KIAA2012: variants seen among roughly 807,000 people sequenced by gnomAD.
KIAA2012 encodes uncharacterized protein KIAA2012.
A neutral mutation model predicts 150.6 loss-of-function variants in KIAA2012; 125 were observed. The ratio of observed to expected loss-of-function variants is 0.83; its 90% CI spans 0.72 to 0.96. KIAA2012 has a LOEUF of 0.96. Among genes scored for constraint, KIAA2012 ranks in the 40% least tolerant of loss-of-function variants. The probability of loss-of-function intolerance (pLI) is 0.00; values close to 1 mark genes in which losing one functional copy is unlikely to be tolerated. For missense variants in KIAA2012, 1,219 were observed against 1,354.9 expected (o/e 0.90, Z 1.57); for synonymous variants, 462 against 504.7 (o/e 0.92, Z 1.13).
chr2:202,113,694 G>A, intron 11 of KIAA2012: 1 of 476,930 alleles, frequency 2.1e-6, no homozygotes, highest in Non-Finnish European at 3.8e-6. Flanking sequence ...GCTTGGAAGA[G>A]GTCTAATGTG....
intron 6 of KIAA2012, 140 bp from the exon 7 acceptor site, chr2:202,100,167 C>A: frequency 1.1e-6 from 1 of 902,646 alleles, no homozygotes; most frequent in Non-Finnish European, 1.6e-6. Flanking sequence ...CCTGCCTCCC[C>A]CAAAGCTAGG....
chr2:202,190,622 G>A, intron 19 of KIAA2012, 129 bp downstream of exon 19: 2 of 711,582 alleles, frequency 2.8e-6, no homozygotes, highest in Non-Finnish European at 4.6e-6. Context: ...TGGTCTTATT[G>A]TTCTACTTTG....
At chr2:202,168,573 C>A (rs751045904) in intron 15 of KIAA2012, among the ~76,000 whole-genome samples, 1 of 152,070 alleles carries the variant, frequency 6.6e-6, no homozygotes, top group Non-Finnish European at 1.5e-5. Context: ...ATAATGATTT[C>A]TTTACTTTCC....
At chr2:202,077,075 C>CAACAGA (rs1322470166) in intron 2 of KIAA2012, 1 of 456,992 alleles carries the variant, frequency 2.2e-6, no homozygotes, top group Admixed American at 2.3e-5. Context: ...ACAGACAGGC[C>CAACAGA]CACTATGACC....
At chr2:202,110,397 AG>A (rs1690315377) in intron 10 of KIAA2012, among the ~76,000 whole-genome samples, 1 of 152,228 alleles carries the variant, frequency 6.6e-6, no homozygotes, top group South Asian at 2.1e-4. Flanking sequence ...TTCCATCTAA[AG>A]GTAGCTCATA....
intron 13 of KIAA2012, among the ~76,000 whole-genome samples, chr2:202,146,003 G>A (rs1691287464): frequency 6.6e-6 from 1 of 151,980 alleles, no homozygotes; most frequent in South Asian, 2.1e-4. Flanking sequence ...TTTTTAAATG[G>A]TAAAAACAGC....
chr2:202,081,468 A>G (rs1689449350), intron 2 of KIAA2012, among the ~76,000 whole-genome samples: 1 of 151,628 alleles, frequency 6.6e-6, no homozygotes, highest in South Asian at 2.1e-4. Context: ...CTACATTCCC[A>G]CCAGCAGCGC....
intron 9 of KIAA2012, among the ~76,000 whole-genome samples, chr2:202,107,988 G>A (rs548981037): frequency 9.2e-5 from 14 of 152,102 alleles, no homozygotes; most frequent in African/African-American, 1.9e-4. Context: ...CAGCCTGGGC[G>A]ACAGAGAGAG....
chr2:202,146,654 C>T (rs1376183339), intron 13 of KIAA2012, among the ~76,000 whole-genome samples: 2 of 135,672 alleles, frequency 1.5e-5, no homozygotes, highest in African/African-American at 2.8e-5. Context: ...AAAAAAAAAG[C>T]CAGGTGTGTT....
At chr2:202,171,865 T>TC (rs1319919111) in intron 15 of KIAA2012, among the ~76,000 whole-genome samples, 1 of 150,196 alleles carries the variant, frequency 6.7e-6, no homozygotes, top group African/African-American at 2.4e-5. Context: ...TTTTTTTTTT[T>TC]TGGAGACAGA....
chr2:202,077,080 A>G (rs774996279), intron 2 of KIAA2012: 6 of 456,910 alleles, frequency 1.3e-5, no homozygotes, highest in South Asian at 9.3e-5. Context: ...CAGGCCCACT[A>G]TGACCCCCAG....
intron 10 of KIAA2012, among the ~76,000 whole-genome samples, chr2:202,110,473 A>ACTGT (rs1575016956): frequency 6.6e-6 from 1 of 152,216 alleles, no homozygotes; most frequent in East Asian, 1.9e-4. Context: ...CACGCTGGAG[A>ACTGT]CTGACAGACC....
In KIAA2012 at chr2:202,109,326, C is replaced by A. The variant is rs543858283; in HGVS notation, c.1475-287C>A. Among the ~76,000 whole-genome samples, 76 of 152,278 alleles carry A rather than the reference C, an allele frequency of 5.0e-4. 1 individual carries two copies. The highest frequency in any genetic ancestry group is 1.7e-3 in the African/African-American group (70 of 41,558). On this transcript the variant is annotated intron_variant, in intron 9 of 23. Coordinates refer to ENST00000498697, the MANE Select transcript of KIAA2012 (RefSeq NM_001277372.4). ...ATTCCTCCCAGTTCTTGGCAATTTT[C>A]CAAATGAACAGCCACGATTCTAGCC...
At chr2:202,096,065 C>T (rs879612538) in intron 4 of KIAA2012, among the ~76,000 whole-genome samples, 4 of 152,196 alleles carry the variant, frequency 2.6e-5, no homozygotes, top group Non-Finnish European at 4.4e-5. Context: ...GCCTGGGCAA[C>T]AGAGTGAGAC....
At chr2:202,147,501 G>A (rs1691325771) in intron 13 of KIAA2012, among the ~76,000 whole-genome samples, 1 of 152,150 alleles carries the variant, frequency 6.6e-6, no homozygotes, top group Admixed American at 6.6e-5. Context: ...AGGAAAGTGT[G>A]GAGGGCCAGG....
intron 12 of KIAA2012, among the ~76,000 whole-genome samples, chr2:202,129,508 C>T (rs892945858): frequency 3.3e-5 from 5 of 152,278 alleles, no homozygotes; most frequent in Admixed American, 6.5e-5. Flanking sequence ...GCATGAGCCA[C>T]CACGCCTGGC....
chr2:202,103,312 T>C (rs1374992501), intron 8 of KIAA2012, among the ~76,000 whole-genome samples, 198 bp downstream of exon 8: 2 of 152,236 alleles, frequency 1.3e-5, no homozygotes, highest in Non-Finnish European at 2.9e-5. Flanking sequence ...AAATATTTAT[T>C]ATACCCTTCA....
At position 202,190,276 on chromosome 2, in the gene KIAA2012, T is replaced by A. The variant is rs771865663; in HGVS notation, c.2594T>A (p.Leu865Gln). ...KERNLEIAAE[L>Q]SGPDVSYEET... ...AGAAATCTGGAGATAGCGGCAGAGCTGAGCGGGCCTGATGTCAGCTATGAG... is the reference window on the plus strand; with the variant it reads ...AGAAATCTGGAGATAGCGGCAGAGCAGAGCGGGCCTGATGTCAGCTATGAG... The change falls in exon 19 of 24, where the codon CTG (leucine) becomes CAG (glutamine). Residue 865 changes from leucine (L) to glutamine (Q), a missense_variant. Coordinates refer to ENST00000498697, the MANE Select transcript of KIAA2012 (RefSeq NM_001277372.4). The A allele has an allele frequency of 2.6e-6, 4 of 1,550,404 alleles. No homozygotes were observed. The South Asian group carries it at 4.8e-5, about 18-fold the overall frequency.
intron 8 of KIAA2012, among the ~76,000 whole-genome samples, chr2:202,103,649 T>C (rs1452670622): frequency 6.6e-6 from 1 of 152,240 alleles, no homozygotes; most frequent in Non-Finnish European, 1.5e-5. Flanking sequence ...GATAAAAGTT[T>C]ATCCAAAAAG....
Sources: allele counts gnomAD v4.1 joint callset (sites outside exome capture counted in the v4.1 genomes callset), GRCh38; gene constraint gnomAD v4.1.1; transcripts MANE v1.5; gene names NCBI Gene and HGNC (gene_info 2026-07-23, HGNC 2026-07-21).